Variants in PRKG1 observed in about 807,000 individuals in gnomAD.
The protein encoded by PRKG1 is cGMP-dependent protein kinase 1.
PRKG1 carries 35 observed loss-of-function variants against 88.1 expected under a neutral mutation model. That is an observed-to-expected ratio of 0.40 (90% CI 0.30 to 0.53). PRKG1 has a LOEUF of 0.53. Among genes scored for constraint, PRKG1 ranks in the 20% least tolerant of loss-of-function variants. PRKG1 has a pLI of 0.59. For synonymous variants in PRKG1, 303 were observed against 292.5 expected, an observed-to-expected ratio of 1.04 and a Z score of -0.37; for missense variants, 540 against 839.8, an observed-to-expected ratio of 0.64 and a Z score of 4.41.
chr10:51,404,806 A>C (rs964606432), intron 2 of PRKG1, among the ~76,000 whole-genome samples: 4 of 152,088 alleles, frequency 2.6e-5, no homozygotes, highest in Admixed American at 2.6e-4. Flanking sequence ...GAGAGCAGAA[A>C]TCTCTCCTGC....
intron 4 of PRKG1, among the ~76,000 whole-genome samples, chr10:51,819,751 G>A (rs117013749): frequency 0.016 from 2,445 of 152,272 alleles, 33 homozygotes; most frequent in Non-Finnish European, 0.024. Flanking sequence ...ACAGTCCCAG[G>A]GGCACATAGG....
At chr10:52,268,431 G>A (rs1841630692) in intron 10 of PRKG1, among the ~76,000 whole-genome samples, 1 of 151,988 alleles carries the variant, frequency 6.6e-6, no homozygotes, top group African/African-American at 2.4e-5. Context: ...AAGCAATCGG[G>A]TATCTCAAAC....
chr10:51,571,256 C>T (rs1837744601), intron 3 of PRKG1, among the ~76,000 whole-genome samples: 1 of 151,814 alleles, frequency 6.6e-6, no homozygotes, highest in Non-Finnish European at 1.5e-5. Flanking sequence ...TATTATAATT[C>T]TCATTTTTAA....
intron 5 of PRKG1, among the ~76,000 whole-genome samples, chr10:51,984,164 G>C (rs1266279218): frequency 1.3e-5 from 2 of 152,142 alleles, no homozygotes; most frequent in African/African-American, 4.8e-5. Flanking sequence ...TTCTCTGTGA[G>C]GCATGTTACA....
intron 2 of PRKG1, among the ~76,000 whole-genome samples, chr10:51,171,046 A>G (rs1354487654): frequency 6.6e-6 from 1 of 152,152 alleles, no homozygotes; most frequent in Non-Finnish European, 1.5e-5. Flanking sequence ...TCATTATCCA[A>G]AAACATTGAG....
chr10:51,630,813 G>A (rs1380335899), intron 3 of PRKG1, among the ~76,000 whole-genome samples: 3 of 152,208 alleles, frequency 2.0e-5, no homozygotes, highest in African/African-American at 7.2e-5. Context: ...TTAGCAGCAG[G>A]CAGGATCATC....
At chr10:51,658,110 C>T (rs752422234) in intron 3 of PRKG1, among the ~76,000 whole-genome samples, 6 of 152,070 alleles carry the variant, frequency 3.9e-5, no homozygotes, top group South Asian at 2.1e-4. Context: ...GCAGGAAATA[C>T]GGATTTATCT....
At chr10:51,732,035 T>TTTCC (rs367570976) in intron 3 of PRKG1, among the ~76,000 whole-genome samples, 54,287 of 133,422 alleles carry the variant, frequency 0.41, 11,373 homozygotes, top group Middle Eastern at 0.54. Flanking sequence ...TCCTTCCTTC[T>TTTCC]TTCCTTCCTT....
intron 3 of PRKG1, among the ~76,000 whole-genome samples, chr10:51,804,314 AC>A (rs1839249338): frequency 1.3e-5 from 2 of 152,054 alleles, no homozygotes; most frequent in Non-Finnish European, 1.5e-5. Context: ...TAGACAATCA[AC>A]CCCCAAGGGT....
At chr10:51,786,090 T>C (rs545743292) in intron 3 of PRKG1, among the ~76,000 whole-genome samples, 68 of 152,256 alleles carry the variant, frequency 4.5e-4, no homozygotes, top group Non-Finnish European at 7.9e-4. Flanking sequence ...CCAGAATGTA[T>C]AGAGTCAATT....
intron 2 of PRKG1, among the ~76,000 whole-genome samples, chr10:51,368,689 A>G (rs1842639072): frequency 6.6e-6 from 1 of 152,254 alleles, no homozygotes; most frequent in East Asian, 1.9e-4. Context: ...TTTCTAGTGG[A>G]TCAAGACTAA....
chr10:51,297,537 A>G (rs1200159050), intron 2 of PRKG1, among the ~76,000 whole-genome samples: 2 of 152,126 alleles, frequency 1.3e-5, no homozygotes, highest in Non-Finnish European at 2.9e-5. Context: ...AAAGAAAATT[A>G]TTAACTTGTA....
At chr10:51,920,087 A>G (rs1197010924) in intron 5 of PRKG1, among the ~76,000 whole-genome samples, 1 of 152,178 alleles carries the variant, frequency 6.6e-6, no homozygotes, top group African/African-American at 2.4e-5. Context: ...CTGAAATACA[A>G]GAACTCATCA....
chr10:51,946,988 C>A (rs1284899281), intron 5 of PRKG1, among the ~76,000 whole-genome samples: 2 of 152,052 alleles, frequency 1.3e-5, no homozygotes, highest in Non-Finnish European at 2.9e-5. Flanking sequence ...CTGCTCTCTT[C>A]AAAGCTGTCA....
At chr10:52,226,986 C>A (rs1026839721) in intron 9 of PRKG1, among the ~76,000 whole-genome samples, 1 of 152,078 alleles carries the variant, frequency 6.6e-6, no homozygotes, top group Non-Finnish European at 1.5e-5. Context: ...TATATTCTGT[C>A]AATGACACAT....
chr10:51,164,101 G>A (rs1388749019), intron 2 of PRKG1, among the ~76,000 whole-genome samples: 2 of 152,298 alleles, frequency 1.3e-5, no homozygotes, highest in East Asian at 3.9e-4. Context: ...TCCTGAAGTG[G>A]GTCCCTGACC....
At position 51,743,052 on chromosome 10, in the gene PRKG1, AAGAGAG is replaced by A. The variant is rs373318408; in HGVS notation, c.593-61521_593-61516del. ...TCCCAGAACTTAAAGTAAAATTAAA[AAGAGAG>A]AGAGAGAGAGAAAGGAAGGATACAC... On this transcript the variant is annotated intron_variant, in intron 3 of 17. Transcript: ENST00000373980. Among the ~76,000 whole-genome samples the A allele has an allele frequency of 6.5e-3, 983 of 151,696 alleles. 7 individuals are homozygous for A. Among genetic ancestry groups the A allele is most frequent in the African/African-American group, 0.023 (948 of 41,400 alleles).
chr10:51,847,112 G>T (rs1840418113), intron 4 of PRKG1, among the ~76,000 whole-genome samples: 1 of 152,102 alleles, frequency 6.6e-6, no homozygotes, highest in Non-Finnish European at 1.5e-5. Context: ...TGGCCTCCCT[G>T]AATCTCAGGT....
chr10:51,543,624 G>A (rs909037328), intron 3 of PRKG1, among the ~76,000 whole-genome samples: 2 of 152,184 alleles, frequency 1.3e-5, no homozygotes, highest in Admixed American at 1.3e-4. Context: ...TGTGCAGCCT[G>A]TTAATTCAAA....
Sources: gnomAD v4.1 joint callset for allele counts (sites outside exome capture counted in the v4.1 genomes callset) on GRCh38, gnomAD v4.1.1 for gene constraint, MANE v1.5 for transcripts, NCBI Gene and HGNC (gene_info 2026-07-23, HGNC 2026-07-21) for gene names.